Variants in CEP85L observed in about 807,000 individuals in gnomAD.
CEP85L encodes centrosomal protein of 85 kDa-like.
A neutral mutation model predicts 100.3 loss-of-function variants in CEP85L; 60 were observed. The observed-to-expected ratio is 0.60, with a 90% CI of 0.49 to 0.74. CEP85L has a LOEUF of 0.74. Ranked by LOEUF, CEP85L falls within the 30% of genes least tolerant of loss-of-function variation. The probability of loss-of-function intolerance (pLI) is 0.00; values close to 1 mark genes in which losing one functional copy is unlikely to be tolerated. For synonymous variants in CEP85L, 319 were observed against 322.7 expected (o/e 0.99, Z 0.12); for missense variants, 973 against 936.2 (o/e 1.04, Z -0.51).
At chr6:118,629,538 T>C (rs1229950091) in intron 2 of CEP85L, among the ~76,000 whole-genome samples, 1 of 152,162 alleles carries the variant, frequency 6.6e-6, no homozygotes, top group Non-Finnish European at 1.5e-5. Flanking sequence ...AAATGCTAAG[T>C]AGGATGTGGA....
intron 3 of CEP85L, among the ~76,000 whole-genome samples, chr6:118,539,116 A>G (rs1777764221): frequency 6.6e-6 from 1 of 152,170 alleles, no homozygotes; most frequent in African/African-American, 2.4e-5. Flanking sequence ...ATTTTAATTT[A>G]TTTTAAAAAT....
intron 1 of CEP85L, among the ~76,000 whole-genome samples, chr6:118,700,661 G>A (rs1228589846): frequency 6.6e-6 from 1 of 152,216 alleles, no homozygotes; most frequent in Non-Finnish European, 1.5e-5. Context: ...TCTACACGCA[G>A]TTCTGGTGAT....
intron 3 of CEP85L, among the ~76,000 whole-genome samples, chr6:118,539,273 T>C (rs545805657): frequency 1.3e-5 from 2 of 152,346 alleles, no homozygotes; most frequent in Non-Finnish European, 2.9e-5. Flanking sequence ...ATCTTTTCTA[T>C]AGATATATTT....
At chr6:118,476,792 A>G (rs1238742215) in intron 10 of CEP85L, among the ~76,000 whole-genome samples, 1 of 152,226 alleles carries the variant, frequency 6.6e-6, no homozygotes, top group African/African-American at 2.4e-5. Flanking sequence ...CTTTTGTGAT[A>G]TTATGATCAT....
chr6:118,468,581 C>T (rs140655907), intron 12 of CEP85L, among the ~76,000 whole-genome samples: 17 of 152,292 alleles, frequency 1.1e-4, no homozygotes, highest in African/African-American at 3.9e-4. Context: ...CCAGCAGGTA[C>T]GCATGACAAA....
intron 1 of CEP85L, among the ~76,000 whole-genome samples, chr6:118,673,910 T>C (rs1011202493): frequency 6.6e-6 from 1 of 152,176 alleles, no homozygotes; most frequent in African/African-American, 2.4e-5. Flanking sequence ...CAAAAATCTT[T>C]AGAAAAATCT....
At chr6:118,514,118 A>G (rs1219641783) in intron 4 of CEP85L, among the ~76,000 whole-genome samples, 2 of 152,228 alleles carry the variant, frequency 1.3e-5, no homozygotes, top group Non-Finnish European at 2.9e-5. Context: ...AATCATTATA[A>G]CAATAGAGGT....
intron 6 of CEP85L, among the ~76,000 whole-genome samples, chr6:118,485,240 A>G (rs527300083): frequency 1.3e-3 from 205 of 152,364 alleles, no homozygotes; most frequent in Non-Finnish European, 2.2e-3. Flanking sequence ...ACAGGGTTCT[A>G]AAATATTTTT....
At chr6:118,505,310 A>C (rs753203509) in intron 5 of CEP85L, among the ~76,000 whole-genome samples, 54 of 147,650 alleles carry the variant, frequency 3.7e-4, no homozygotes, top group Non-Finnish European at 7.5e-4. Context: ...GTGTGGTGAC[A>C]CGCGCCTGTA....
At chr6:118,647,486 TGA>T (rs542039614) in intron 1 of CEP85L, among the ~76,000 whole-genome samples, 253 of 152,232 alleles carry the variant, frequency 1.7e-3, no homozygotes, top group African/African-American at 5.4e-3. Flanking sequence ...TTCAGCCTCC[TGA>T]GTAGCTGGGA....
chr6:118,512,342 G>A (rs1776019858), intron 4 of CEP85L, among the ~76,000 whole-genome samples: 2 of 151,830 alleles, frequency 1.3e-5, no homozygotes, highest in Admixed American at 1.3e-4. Context: ...AGCTACCGAC[G>A]GTGTGTGTAG....
intron 5 of CEP85L, among the ~76,000 whole-genome samples, chr6:118,499,357 AAC>A (rs1775125678): frequency 1.3e-5 from 2 of 152,200 alleles, no homozygotes; most frequent in Admixed American, 6.5e-5. Context: ...GACAAAATCT[AAC>A]ACCCATTCAT....
intron 1 of CEP85L, among the ~76,000 whole-genome samples, chr6:118,657,935 GAATTC>G (rs1775852687): frequency 1.3e-5 from 2 of 152,178 alleles, no homozygotes; most frequent in Admixed American, 6.5e-5. Flanking sequence ...TACTAGAAGA[GAATTC>G]AATTCAATAT....
intron 5 of CEP85L, among the ~76,000 whole-genome samples, chr6:118,505,967 A>T (rs1055816061): frequency 6.6e-6 from 1 of 152,144 alleles, no homozygotes; most frequent in Non-Finnish European, 1.5e-5. Context: ...ATAGTGGGGG[A>T]GGTTGAGCAC....
chr6:118,489,959 ACACACATAC>A (rs1774441032), intron 6 of CEP85L, among the ~76,000 whole-genome samples: 1 of 150,764 alleles, frequency 6.6e-6, no homozygotes, highest in African/African-American at 2.5e-5. Context: ...ACATGCACAC[ACACACATAC>A]GTGTGTGTAT....
intron 5 of CEP85L, among the ~76,000 whole-genome samples, chr6:118,492,579 C>T (rs1422817844): frequency 6.6e-6 from 1 of 152,100 alleles, no homozygotes; most frequent in Non-Finnish European, 1.5e-5. Context: ...GCAGGAAATA[C>T]AAATATTCCT....
intron 2 of CEP85L, among the ~76,000 whole-genome samples, chr6:118,569,368 A>AAAAGG (rs56914205): frequency 7.1e-6 from 1 of 140,768 alleles, no homozygotes; most frequent in Admixed American, 7.0e-5. Context: ...AAAAAAAAAA[A>AAAAGG]GGAGTAAAAT....
chr6:118,660,038 T>A (rs768601605), intron 1 of CEP85L, among the ~76,000 whole-genome samples: 14 of 152,192 alleles, frequency 9.2e-5, no homozygotes, highest in Non-Finnish European at 2.1e-4. Flanking sequence ...TTAGAGGAAA[T>A]TAGTTGTAAT....
rs764776068 is a variant in CEP85L at position 118,593,391 on chromosome 6, T to C, written c.233-27075A>G. ...AAAAAAAAAGAAAAGAAAAGAAATATCGAGCCTGAGGTTTTTATAAAAGAA... is the reference window on the plus strand; with the variant it reads ...AAAAAAAAAGAAAAGAAAAGAAATACCGAGCCTGAGGTTTTTATAAAAGAA... On this transcript the variant is annotated intron_variant, in intron 2 of 12. Transcript: ENST00000368491. Among the ~76,000 whole-genome samples the C allele has an allele frequency of 2.6e-4, 40 of 151,040 alleles. No individual in the cohort carries two copies. The South Asian group carries it at 2.7e-3, about 10-fold the overall frequency.
Sources: allele counts gnomAD v4.1 joint callset (sites outside exome capture counted in the v4.1 genomes callset), GRCh38; gene constraint gnomAD v4.1.1; transcripts MANE v1.5; gene names NCBI Gene and HGNC (gene_info 2026-07-23, HGNC 2026-07-21).